The following ARHGEF6 variants were observed in gnomAD, a reference collection of about 807,000 sequenced individuals.
ARHGEF6 encodes the protein Rac/Cdc42 guanine nucleotide exchange factor 6.
In ARHGEF6, 9 loss-of-function variants were observed where a neutral mutation model predicts 70.3. That is an observed-to-expected ratio of 0.13 (90% CI 0.08 to 0.22). The LOEUF (loss-of-function observed/expected upper bound fraction) is 0.22. ARHGEF6 is among the 10% of genes least tolerant of loss of function. ARHGEF6 has a pLI of 1.00. For synonymous variants in ARHGEF6, 201 were observed against 207.8 expected, an observed-to-expected ratio of 0.97 and a Z score of 0.28; for missense variants, 470 against 563.0, an observed-to-expected ratio of 0.83 and a Z score of 1.67.
chrX:136,738,741 A>G (rs1362870693), intron 5 of ARHGEF6, among the ~76,000 whole-genome samples: 2 of 112,878 alleles, frequency 1.8e-5, no homozygotes, highest in East Asian at 5.5e-4. Context: ...TAGAAGCATG[A>G]CACTGCATGC....
intron 16 of ARHGEF6, among the ~76,000 whole-genome samples, chrX:136,678,157 T>G (rs1400926002): frequency 8.9e-6 from 1 of 111,910 alleles, no homozygotes; most frequent in African/African-American, 3.2e-5. Context: ...TACAGTTCTG[T>G]GCAGAATAAC....
At chrX:136,759,544 C>T (rs749033062) in intron 2 of ARHGEF6, among the ~76,000 whole-genome samples, 5 of 108,651 alleles carry the variant, frequency 4.6e-5, no homozygotes, top group Non-Finnish European at 9.5e-5. Flanking sequence ...GCAGGAGAAT[C>T]GCTTGAACCA....
intron 5 of ARHGEF6, among the ~76,000 whole-genome samples, chrX:136,739,930 G>A (rs2148656516): frequency 8.9e-6 from 1 of 111,876 alleles, no homozygotes; most frequent in East Asian, 2.8e-4. Context: ...GCCAGATCCT[G>A]GAGGACCTTG....
intron 17 of ARHGEF6, 58 bp from the exon 18 acceptor site, chrX:136,676,775 A>T (rs767154635): frequency 3.6e-6 from 3 of 833,256 alleles, no homozygotes; most frequent in Non-Finnish European, 5.4e-6. Flanking sequence ...CAAAAGTAAA[A>T]GCATGAATGA....
intron 5 of ARHGEF6, among the ~76,000 whole-genome samples, chrX:136,732,894 G>A (rs776323265): frequency 1.5e-3 from 164 of 111,633 alleles, no homozygotes; most frequent in Admixed American, 3.0e-3. Context: ...TACTATACAA[G>A]TATAATAAAA....
At chrX:136,716,070 A>G (rs2076733896) in intron 6 of ARHGEF6, among the ~76,000 whole-genome samples, 1 of 112,208 alleles carries the variant, frequency 8.9e-6, no homozygotes, top group Non-Finnish European at 1.9e-5. Context: ...CCTCCCTAGT[A>G]GCTGGGATTA....
intron 13 of ARHGEF6, 85 bp from the exon 14 acceptor site, chrX:136,682,053 A>C (rs2076338190): frequency 1.4e-6 from 1 of 730,456 alleles, no homozygotes; most frequent in Admixed American, 2.2e-5. Flanking sequence ...CCTCTCAGCA[A>C]GGCAAAACTA....
At chrX:136,731,646 CT>C (rs2076936251) in intron 6 of ARHGEF6, among the ~76,000 whole-genome samples, 1 of 112,297 alleles carries the variant, frequency 8.9e-6, no homozygotes, top group South Asian at 3.7e-4. Flanking sequence ...GGCAGTTTTC[CT>C]TTTGGGCTCT....
chrX:136,697,151 G>A (rs968685168), intron 9 of ARHGEF6, among the ~76,000 whole-genome samples: 6 of 111,449 alleles, frequency 5.4e-5, no homozygotes, highest in African/African-American at 1.6e-4. Flanking sequence ...AGAGGGAGAC[G>A]CAGTCCATGG....
intron 5 of ARHGEF6, among the ~76,000 whole-genome samples, chrX:136,742,193 C>T (rs1052285476): frequency 5.4e-5 from 6 of 111,453 alleles, no homozygotes; most frequent in African/African-American, 2.0e-4. Flanking sequence ...GTGGCAGGCG[C>T]CTGTAGTCCC....
At chrX:136,739,603 A>T (rs2077022095) in intron 5 of ARHGEF6, among the ~76,000 whole-genome samples, 2 of 112,960 alleles carry the variant, frequency 1.8e-5, no homozygotes, top group Non-Finnish European at 3.7e-5. Flanking sequence ...GAAATAAATA[A>T]GTAAACGTGT....
chrX:136,753,608 A>T (rs1228506190), intron 2 of ARHGEF6, among the ~76,000 whole-genome samples: 1 of 111,611 alleles, frequency 9.0e-6, no homozygotes, highest in Non-Finnish European at 1.9e-5. Context: ...CCAAAAGGCC[A>T]ATTTCTTAAT....
intron 5 of ARHGEF6, among the ~76,000 whole-genome samples, chrX:136,742,097 G>C (rs2077048417): frequency 9.0e-6 from 1 of 111,338 alleles, no homozygotes; most frequent in African/African-American, 3.3e-5. Flanking sequence ...GAGGCGGGCG[G>C]ATCACAAGGT....
intron 19 of ARHGEF6, among the ~76,000 whole-genome samples, 157 bp from the exon 20 acceptor site, chrX:136,672,276 G>C (rs1211252483): frequency 8.9e-6 from 1 of 111,787 alleles, no homozygotes; most frequent in Non-Finnish European, 1.9e-5. Context: ...ATCATTTGCT[G>C]ACTAAATTTT....
intron 13 of ARHGEF6, 111 bp downstream of exon 13, chrX:136,682,647 T>C: frequency 3.4e-6 from 2 of 594,270 alleles, no homozygotes; most frequent in Non-Finnish European, 5.8e-6. Flanking sequence ...GGTCAGAACA[T>C]TCTGGTTCTC....
intron 10 of ARHGEF6, among the ~76,000 whole-genome samples, chrX:136,688,509 A>G (rs763191908): frequency 2.6e-4 from 29 of 110,359 alleles, no homozygotes; most frequent in Non-Finnish European, 4.0e-4. Flanking sequence ...AAATCAATCT[A>G]TCAGCCGGGC....
chrX:136,705,146 C>G (rs1383507623), intron 9 of ARHGEF6, among the ~76,000 whole-genome samples: 1 of 110,126 alleles, frequency 9.1e-6, no homozygotes, highest in African/African-American at 3.3e-5. Flanking sequence ...ATGGTGAAAC[C>G]CCATCTCTAC....
chrX:136,688,591 G>A (rs1460591550), intron 10 of ARHGEF6, among the ~76,000 whole-genome samples: 4 of 110,258 alleles, frequency 3.6e-5, no homozygotes, highest in Non-Finnish European at 7.6e-5. Flanking sequence ...CCCAGAGGTC[G>A]AGACTGTGAT....
chrX:136,682,765 A>G lies in ARHGEF6; in HGVS notation c.1472T>C (p.Ile491Thr). ...TATATGAAATTTACTAACCTGATAG[A>G]TAAAGCCACTCATCCGAGGACTTGC... Reference protein sequence around the residue: ...LSASPRMSGFIYQGKIPIAGT... With the variant: ...LSASPRMSGFTYQGKIPIAGT... Residue 491 changes from isoleucine (I) to threonine (T), a missense_variant, in exon 13 of 22, where the codon ATC becomes ACC. By Grantham distance (89) the Ile-to-Thr change is moderately conservative. Around this residue, in one of 3 missense-constraint regions of ARHGEF6, gnomAD observed 379 missense variants for 449.3 expected, o/e 0.84. Transcript: ENST00000250617. 8.3e-7 allele frequency: 1 copy of G among 1,207,772 alleles called. No homozygotes were observed.
Sources: gnomAD v4.1 joint callset for allele counts (sites outside exome capture counted in the v4.1 genomes callset) on GRCh38, gnomAD v4.1.1 for gene constraint, gnomAD v4.1.1 regional missense constraint, MANE v1.5 for transcripts, NCBI Gene and HGNC (gene_info 2026-07-23, HGNC 2026-07-21) for gene names.